The following MGAT4C variants were observed in gnomAD, a reference collection of about 807,000 sequenced individuals.
The protein encoded by MGAT4C is MGAT4 family member C.
MGAT4C carries 19 observed loss-of-function variants against 40.1 expected under a neutral mutation model. The observed-to-expected ratio is 0.47, with a 90% CI of 0.33 to 0.70. The LOEUF (loss-of-function observed/expected upper bound fraction) is 0.70. Among genes scored for constraint, MGAT4C ranks in the 30% least tolerant of loss-of-function variants. The pLI is 0.02. For synonymous variants in MGAT4C, 181 were observed against 187.1 expected (o/e 0.97, Z 0.27); for missense variants, 491 against 563.2 (o/e 0.87, Z 1.30).
At chr12:86,264,691 A>T (rs1952742678) in intron 4 of MGAT4C, among the ~76,000 whole-genome samples, 1 of 152,156 alleles carries the variant, frequency 6.6e-6, no homozygotes, top group Non-Finnish European at 1.5e-5. Flanking sequence ...CGCCCAAGCC[A>T]TGGCTACGGA....
At chr12:86,128,929 T>C (rs761562919) in intron 1 of MGAT4C, among the ~76,000 whole-genome samples, 2 of 152,236 alleles carry the variant, frequency 1.3e-5, no homozygotes, top group Non-Finnish European at 2.9e-5. Flanking sequence ...GAAAAGGGTG[T>C]CCTTTCCCCA....
At chr12:86,508,641 T>G (rs552141958) in intron 2 of MGAT4C, among the ~76,000 whole-genome samples, 1 of 151,804 alleles carries the variant, frequency 6.6e-6, no homozygotes, top group Admixed American at 6.6e-5. Context: ...CACACCGACC[T>G]TCACAATGGT....
intron 1 of MGAT4C, among the ~76,000 whole-genome samples, chr12:86,156,290 C>T (rs2135785168): frequency 6.6e-6 from 1 of 152,146 alleles, no homozygotes; most frequent in South Asian, 2.1e-4. Context: ...GAGTCACTGA[C>T]ATGTGGATGA....
In MGAT4C at chr12:86,052,493, T is replaced by A. The variant is rs1426783950; in HGVS notation, c.-56-2770A>T. Among the ~76,000 whole-genome samples the A allele has an allele frequency of 2.6e-5, 4 of 152,134 alleles. No homozygotes were observed. In the East Asian group the frequency reaches 7.7e-4, roughly 29 times the overall value. On this transcript the variant is annotated intron_variant, in intron 1 of 4. Coordinates refer to ENST00000611864, the MANE Select transcript of MGAT4C (RefSeq NM_001351288.2). ...ATGTCAGGTATTGCTAAATTGTATGTTCTATTAAATAATAAGAAATGCATA... is the reference window on the plus strand; with the variant it reads ...ATGTCAGGTATTGCTAAATTGTATGATCTATTAAATAATAAGAAATGCATA...
At chr12:86,378,260 AT>A (rs77801434) in intron 3 of MGAT4C, among the ~76,000 whole-genome samples, 12,892 of 151,952 alleles carry the variant, frequency 0.085, 762 homozygotes, top group Middle Eastern at 0.23. Flanking sequence ...TCTATTTTTA[AT>A]TTTTTTTGAG....
chr12:86,707,523 C>A (rs934403095), intron 2 of MGAT4C, among the ~76,000 whole-genome samples: 5 of 144,890 alleles, frequency 3.5e-5, no homozygotes, highest in African/African-American at 1.3e-4. Context: ...AGGAATTTTT[C>A]TTTTCTTTTT....
Position 86,221,259 on chromosome 12 carries a change from C to A in MGAT4C, c.-57+34980G>T, listed in dbSNP as rs1405161885. 4.6e-5 allele frequency among the ~76,000 whole-genome samples: 7 copies of A among 152,084 alleles called. No homozygotes were observed. In the East Asian group the frequency reaches 1.3e-3, roughly 29 times the overall value. On this transcript the variant is annotated intron_variant, in intron 1 of 4. Transcript: ENST00000611864. Reference sequence around the variant, plus strand: ...TCTTGGTATTTTATCCCCCTGATAACTATCGTAATAGTTTTCCTGGTGTGC... The same window carrying A: ...TCTTGGTATTTTATCCCCCTGATAAATATCGTAATAGTTTTCCTGGTGTGC...
At chr12:86,794,130 T>A (rs1232205614) in intron 1 of MGAT4C, among the ~76,000 whole-genome samples, 1 of 151,850 alleles carries the variant, frequency 6.6e-6, no homozygotes, top group African/African-American at 2.4e-5. Context: ...TATAGTTACA[T>A]CACCAATGAT....
intron 1 of MGAT4C, among the ~76,000 whole-genome samples, chr12:86,795,883 G>C (rs1393069604): frequency 6.6e-6 from 1 of 151,892 alleles, no homozygotes; most frequent in African/African-American, 2.4e-5. Flanking sequence ...TTTTATGAAT[G>C]CCTGTAAAGT....
intron 1 of MGAT4C, among the ~76,000 whole-genome samples, chr12:86,743,651 T>C (rs1326515402): frequency 6.6e-6 from 1 of 151,526 alleles, no homozygotes; most frequent in Non-Finnish European, 1.5e-5. Flanking sequence ...ATTTTACAGA[T>C]TGTTAAACAA....
chr12:86,127,414 T>C (rs1241673504), intron 1 of MGAT4C, among the ~76,000 whole-genome samples: 1 of 152,156 alleles, frequency 6.6e-6, no homozygotes, highest in East Asian at 1.9e-4. Context: ...TTGCTCTGAG[T>C]GACTAGTGAG....
At chr12:86,305,443 G>GAAAAA (rs5799778) in intron 4 of MGAT4C, among the ~76,000 whole-genome samples, 1 of 133,360 alleles carries the variant, frequency 7.5e-6, no homozygotes, top group African/African-American at 3.1e-5. Flanking sequence ...CCGTCTCAAA[G>GAAAAA]AAAAAAAAAA....
intron 2 of MGAT4C, among the ~76,000 whole-genome samples, chr12:86,462,085 G>A (rs751122151): frequency 2.6e-5 from 4 of 152,158 alleles, no homozygotes; most frequent in Admixed American, 6.5e-5. Flanking sequence ...ATGGCGAAAA[G>A]CTCAGCTTAA....
At chr12:86,327,721 T>C (rs1280232864) in intron 4 of MGAT4C, among the ~76,000 whole-genome samples, 1 of 152,028 alleles carries the variant, frequency 6.6e-6, no homozygotes, top group Non-Finnish European at 1.5e-5. Flanking sequence ...ACAAAAAAAA[T>C]TGAATATGCA....
At chr12:86,089,465 G>A (rs1017065575) in intron 1 of MGAT4C, among the ~76,000 whole-genome samples, 6 of 151,830 alleles carry the variant, frequency 4.0e-5, no homozygotes, top group African/African-American at 1.4e-4. Flanking sequence ...TATTAAAATT[G>A]TTCATGTCTT....
chr12:86,667,420 G>A (rs2136558487), intron 2 of MGAT4C, among the ~76,000 whole-genome samples: 1 of 152,188 alleles, frequency 6.6e-6, no homozygotes, highest in East Asian at 1.9e-4. Flanking sequence ...AGACCTAGAT[G>A]GAAAATCCTG....
chr12:86,333,502 A>G (rs968266902), intron 4 of MGAT4C, among the ~76,000 whole-genome samples: 1 of 152,168 alleles, frequency 6.6e-6, no homozygotes, highest in Non-Finnish European at 1.5e-5. Context: ...CAGGCTATCA[A>G]AGACAACTTA....
chr12:86,098,357 G>T (rs1018402780), intron 1 of MGAT4C, among the ~76,000 whole-genome samples: 3 of 151,542 alleles, frequency 2.0e-5, no homozygotes, highest in Non-Finnish European at 3.0e-5. Flanking sequence ...TGTCTGAAAT[G>T]ATTTGGCCAC....
At chr12:86,155,781 G>GA (rs1048552060) in intron 1 of MGAT4C, among the ~76,000 whole-genome samples, 1 of 151,892 alleles carries the variant, frequency 6.6e-6, no homozygotes, top group Non-Finnish European at 1.5e-5. Context: ...AAATTATGGT[G>GA]AAAAAAAGGT....
Sources: allele counts gnomAD v4.1 joint callset (sites outside exome capture counted in the v4.1 genomes callset), GRCh38; gene constraint gnomAD v4.1.1; transcripts MANE v1.5; gene names NCBI Gene and HGNC (gene_info 2026-07-23, HGNC 2026-07-21).